The following POU6F2 variants were observed in gnomAD, a reference collection of about 807,000 sequenced individuals.
The protein encoded by POU6F2 is POU domain, class 6, transcription factor 2.
POU6F2 carries 31 observed loss-of-function variants against 71.3 expected under a neutral mutation model. That is an observed-to-expected ratio of 0.43 (90% confidence interval 0.33 to 0.59). POU6F2 has a LOEUF of 0.59. Among genes scored for constraint, POU6F2 ranks in the 20% least tolerant of loss-of-function variants. The pLI is 0.04. For synonymous variants in POU6F2, 347 were observed against 355.7 expected, an observed-to-expected ratio of 0.98 and a Z score of 0.27; for missense variants, 783 against 856.8, an observed-to-expected ratio of 0.91 and a Z score of 1.07.
At chr7:39,153,552 A>G (rs1300410144) in intron 2 of POU6F2, among the ~76,000 whole-genome samples, 1 of 152,212 alleles carries the variant, frequency 6.6e-6, no homozygotes, top group Non-Finnish European at 1.5e-5. Flanking sequence ...TTTTTATTTC[A>G]GGGTAAATCA....
chr7:39,046,261 G>A (rs187451652), intron 1 of POU6F2, among the ~76,000 whole-genome samples: 9 of 151,824 alleles, frequency 5.9e-5, no homozygotes, highest in South Asian at 2.1e-4. Context: ...CTCATTTGGC[G>A]AAAGTATATT....
At chr7:39,190,784 T>C (rs569770773) in intron 2 of POU6F2, among the ~76,000 whole-genome samples, 1 of 152,018 alleles carries the variant, frequency 6.6e-6, no homozygotes, top group Admixed American at 6.6e-5. Flanking sequence ...ATTACAGGCA[T>C]GCACCACCAT....
chr7:39,419,901 A>G (rs539735766), intron 6 of POU6F2, among the ~76,000 whole-genome samples: 1 of 152,310 alleles, frequency 6.6e-6, no homozygotes, highest in Non-Finnish European at 1.5e-5. Context: ...CCTCTATGAC[A>G]TGACTATGTG....
intron 1 of POU6F2, among the ~76,000 whole-genome samples, chr7:39,023,520 C>T (rs115634661): frequency 1.1e-4 from 16 of 152,114 alleles, no homozygotes; most frequent in African/African-American, 3.9e-4. Flanking sequence ...ATCTAAGCAT[C>T]CTATAATGTA....
At chr7:39,020,757 C>A (rs1789665224) in intron 1 of POU6F2, among the ~76,000 whole-genome samples, 1 of 147,482 alleles carries the variant, frequency 6.8e-6, no homozygotes, top group Non-Finnish European at 1.5e-5. Flanking sequence ...AAGTTCTTTG[C>A]CTAATGTATT....
At chr7:39,229,019 A>G (rs1794523638) in intron 4 of POU6F2, among the ~76,000 whole-genome samples, 1 of 152,182 alleles carries the variant, frequency 6.6e-6, no homozygotes, top group African/African-American at 2.4e-5. Flanking sequence ...CTGATCAGAT[A>G]GCCATCTCCA....
Position 39,366,919 on chromosome 7 carries a change from C to G in POU6F2, c.972+26904C>G, listed in dbSNP as rs528156031. ...CAGGGATACAAGATGTCAGGGCTTA[C>G]TTCCGGTGGCCTCCAGGGTAGACTG... On this transcript the variant is annotated intron_variant, in intron 5 of 9. Transcript: ENST00000518318. 1.8e-3 allele frequency among the ~76,000 whole-genome samples: 267 copies of G among 152,176 alleles called. 2 individuals carry two copies. Among genetic ancestry groups the G allele is most frequent in the African/African-American group, 5.9e-3 (243 of 41,518 alleles).
At position 39,387,894 on chromosome 7, in the gene POU6F2, TC is replaced by T. The variant is rs3837084; in HGVS notation, c.973-18704del. Reference sequence around the variant, plus strand: ...ATGTTCATGTGATTCCTGAGGCCGCTCCTAGTTCATGGAGGGAAAGCCAGAC... The same window carrying T: ...ATGTTCATGTGATTCCTGAGGCCGCTCTAGTTCATGGAGGGAAAGCCAGAC... On this transcript the variant is annotated intron_variant, in intron 5 of 9. Transcript: ENST00000518318. Among the ~76,000 whole-genome samples the T allele has an allele frequency of 7.9e-3, 1,203 of 152,300 alleles. 34 individuals carry two copies. In the East Asian group the frequency reaches 0.084, roughly 11 times the overall value.
At chr7:39,394,997 G>A (rs1021453234) in intron 5 of POU6F2, among the ~76,000 whole-genome samples, 1 of 152,128 alleles carries the variant, frequency 6.6e-6, no homozygotes, top group South Asian at 2.1e-4. Flanking sequence ...GTGCTTCTGT[G>A]TGCAGTTACC....
intron 2 of POU6F2, among the ~76,000 whole-genome samples, chr7:39,146,268 T>C (rs1391580964): frequency 6.6e-6 from 1 of 152,108 alleles, no homozygotes; most frequent in African/African-American, 2.4e-5. Flanking sequence ...GTGACTGTAA[T>C]GGAACCATGG....
chr7:39,236,430 T>A (rs1584617525), intron 4 of POU6F2, among the ~76,000 whole-genome samples: 3 of 152,268 alleles, frequency 2.0e-5, no homozygotes, highest in African/African-American at 7.2e-5. Context: ...TTTTTTCTCA[T>A]CTTTGTGGTT....
intron 1 of POU6F2, among the ~76,000 whole-genome samples, chr7:39,018,461 A>G (rs941186425): frequency 2.7e-5 from 4 of 146,992 alleles, no homozygotes; most frequent in African/African-American, 1.0e-4. Flanking sequence ...AACCATTTAC[A>G]TTTTTTTTTT....
At chr7:39,221,824 A>C (rs1373123892) in intron 4 of POU6F2, among the ~76,000 whole-genome samples, 2 of 152,238 alleles carry the variant, frequency 1.3e-5, no homozygotes. Flanking sequence ...AATTTGTGAG[A>C]ACAGTGTGAT....
chr7:39,274,062 A>G (rs1784389408), intron 4 of POU6F2, among the ~76,000 whole-genome samples: 1 of 152,160 alleles, frequency 6.6e-6, no homozygotes, highest in Admixed American at 6.5e-5. Flanking sequence ...TTCTCATTTC[A>G]CCTTCAAACT....
chr7:39,163,696 G>T (rs959407022), intron 2 of POU6F2, among the ~76,000 whole-genome samples: 3 of 152,180 alleles, frequency 2.0e-5, no homozygotes, highest in Non-Finnish European at 4.4e-5. Context: ...TCAGTATGTT[G>T]AAGAGATGTC....
chr7:39,212,822 CAG>C (rs1379534159), intron 4 of POU6F2, among the ~76,000 whole-genome samples: 2 of 152,190 alleles, frequency 1.3e-5, no homozygotes, highest in Non-Finnish European at 2.9e-5. Flanking sequence ...AGGGTAAAAA[CAG>C]AGGTTGTTAG....
intron 2 of POU6F2, among the ~76,000 whole-genome samples, chr7:39,110,028 T>C (rs1042866829): frequency 2.6e-5 from 4 of 152,154 alleles, no homozygotes; most frequent in African/African-American, 9.7e-5. Flanking sequence ...CCCAGCACTT[T>C]GGGAGGCCGA....
chr7:39,086,277 C>T (rs998799240), intron 2 of POU6F2, among the ~76,000 whole-genome samples: 1 of 152,114 alleles, frequency 6.6e-6, no homozygotes, highest in Non-Finnish European at 1.5e-5. Flanking sequence ...CTAGAGTCCC[C>T]AGGCTGGAAA....
At chr7:39,458,634 C>T (rs1386557465) in intron 8 of POU6F2, among the ~76,000 whole-genome samples, 1 of 152,128 alleles carries the variant, frequency 6.6e-6, no homozygotes. Context: ...CCAAGGGTTG[C>T]CTGCCTTCTG....
Sources: gnomAD v4.1 joint callset for allele counts (sites outside exome capture counted in the v4.1 genomes callset) on GRCh38, gnomAD v4.1.1 for gene constraint, MANE v1.5 for transcripts, NCBI Gene and HGNC (gene_info 2026-07-23, HGNC 2026-07-21) for gene names.